CA5B: variants seen among roughly 807,000 people sequenced by gnomAD.
CA5B encodes the protein carbonic anhydrase 5B, mitochondrial.
Under a neutral mutation model 23.1 loss-of-function variants are expected in CA5B, and 15 were observed. The observed-to-expected ratio is 0.65, with a 90% CI of 0.43 to 1.00. The LOEUF (loss-of-function observed/expected upper bound fraction) is 1.00, where lower values mean the gene tolerates loss of function less well. Ranked by LOEUF, CA5B falls within the 50% of genes least tolerant of loss-of-function variation. The probability of loss-of-function intolerance (pLI) is 0.00; values close to 1 mark genes in which losing one functional copy is unlikely to be tolerated. For missense variants in CA5B, 236 were observed against 252.2 expected, an observed-to-expected ratio of 0.94 and a Z score of 0.43; for synonymous variants, 84 against 98.5, an observed-to-expected ratio of 0.85 and a Z score of 0.87.
In CA5B at chrX:15,787,783, C is replaced by T. The variant is rs1011770551; in HGVS notation, c.*5119C>T. 3 of 111,889 alleles carry T rather than the reference C, an allele frequency of 2.7e-5. No individual in the cohort carries two copies. Among genetic ancestry groups the T allele is most frequent in the Admixed American group, 9.5e-5 (1 of 10,485 alleles). The allele number at this position is 111,889 out of a possible 1,213,427, so 9.2% of individuals were successfully genotyped here. A position where few individuals can be genotyped will look rare whatever the true frequency, so the allele number is the denominator to read the frequency against. ...CCTGGCCAATATGGTGAAACCCCGT[C>T]TCTACTAAAAAATACAAAAATTAGC... On this transcript the variant is annotated 3_prime_UTR_variant, in exon 8 of 8. Transcript: ENST00000318636.
intron 3 of CA5B, chrX:15,769,387 A>G: frequency 3.7e-6 from 2 of 543,835 alleles, no homozygotes; most frequent in Non-Finnish European, 4.5e-6. Context: ...GAATGAGTGC[A>G]TATAAGAGAG....
At chrX:15,749,040 A>G (rs1931301952) in intron 1 of CA5B, among the ~76,000 whole-genome samples, 1 of 112,353 alleles carries the variant, frequency 8.9e-6, no homozygotes, top group African/African-American at 3.2e-5. Context: ...CAGCCACACC[A>G]CAGTCATGGT....
At chrX:15,779,379 A>G (rs1446740483) in intron 7 of CA5B, among the ~76,000 whole-genome samples, 1 of 111,778 alleles carries the variant, frequency 8.9e-6, no homozygotes, top group Non-Finnish European at 1.9e-5. Flanking sequence ...TTTAAATCCT[A>G]ATCTCCTCCA....
intron 2 of CA5B, chrX:15,763,003 G>A (rs1052507658): frequency 1.0e-5 from 3 of 298,120 alleles, no homozygotes; most frequent in Non-Finnish European, 2.0e-5. Flanking sequence ...TTCAGTGCCT[G>A]TGGAGGATAA....
At chrX:15,750,190 G>T in intron 2 of CA5B, 25 bp downstream of exon 2, 1 of 1,084,532 alleles carries the variant, frequency 9.2e-7, no homozygotes, top group South Asian at 2.0e-5. Context: ...TCCTTAAAGA[G>T]AACAAAAAGG....
intron 1 of CA5B, among the ~76,000 whole-genome samples, chrX:15,744,424 G>A (rs1430712639): frequency 8.9e-6 from 1 of 112,502 alleles, no homozygotes; most frequent in Non-Finnish European, 1.9e-5. Context: ...CCTGGCTGGC[G>A]GCCATGCCCT....
chrX:15,746,195 G>A (rs919319175), intron 1 of CA5B, among the ~76,000 whole-genome samples: 12 of 108,808 alleles, frequency 1.1e-4, no homozygotes, highest in Non-Finnish European at 1.7e-4. Flanking sequence ...ACAGGTGCAC[G>A]CCACCACGCC....
chrX:15,769,573 C>T, intron 3 of CA5B: 1 of 753,853 alleles, frequency 1.3e-6, no homozygotes, highest in Non-Finnish European at 1.6e-6. Flanking sequence ...CCTGACTTTA[C>T]ACTTCTTTGC....
Position 15,772,604 on chromosome X carries a change from T to C in CA5B, c.449T>C (p.Phe150Ser), listed in dbSNP as rs201323485. 127 of 1,168,365 alleles carry C rather than the reference T, an allele frequency of 1.1e-4. No individual in the cohort carries two copies. Among genetic ancestry groups the C allele is most frequent in the Non-Finnish European group, 1.5e-4 (126 of 859,880 alleles). The stretch of plus-strand genomic sequence containing the variant: ...GAGCACACCGTGGACAGCAAATGCT[T>C]CCCAGCAGAGGTATGTTGAGAAGGT... Reference protein sequence around the residue: ...GSEHTVDSKCFPAELHLVHWN... With the variant: ...GSEHTVDSKCSPAELHLVHWN... Residue 150 changes from phenylalanine to serine, a missense_variant, in exon 4 of 8, where the codon TTC (phenylalanine) becomes TCC (serine). By Grantham distance (155) the Phe-to-Ser change is radical (BLOSUM62 -2). Transcript: ENST00000318636.
At chrX:15,755,948 ATTATTTATTTTGTACTGAGCCTTTGAAG>A (rs1405015227) in intron 2 of CA5B, among the ~76,000 whole-genome samples, 1 of 112,371 alleles carries the variant, frequency 8.9e-6, no homozygotes, top group Non-Finnish European at 1.9e-5. Flanking sequence ...AAATTTTAAT[ATTATTTATTTTGTACTGAGCCTTTGAAG>A]TTCCTGGTAT....
rs1364663996 is a variant in CA5B, at chrX:15,758,794, C to T, written c.143-5784C>T. Among the ~76,000 whole-genome samples, 29 of 111,939 alleles carry T rather than the reference C, an allele frequency of 2.6e-4. 1 individual carries two copies. The Admixed American group carries it at 2.7e-3, about 10-fold the overall frequency. ...AAGTGTTGGGATTACAGGTGCAAGCCACTGCTGCCTGGCTAAATTTTGAGG... is the reference window on the plus strand; with the variant it reads ...AAGTGTTGGGATTACAGGTGCAAGCTACTGCTGCCTGGCTAAATTTTGAGG... On this transcript the variant is annotated intron_variant, in intron 2 of 7. Coordinates refer to ENST00000318636, the MANE Select transcript of CA5B (RefSeq NM_007220.4).
At position 15,764,274 on chromosome X, in the gene CA5B, G is replaced by T. The variant is rs374848764; in HGVS notation, c.143-304G>T. Among the ~76,000 whole-genome samples the T allele has an allele frequency of 6.8e-4, 74 of 108,533 alleles. No homozygotes were observed. In the East Asian group the frequency reaches 0.019, roughly 28 times the overall value. The allele number at this position is 108,533 out of a possible 115,157, so 94.2% of individuals were successfully genotyped here. On this transcript the variant is annotated intron_variant, in intron 2 of 7. Coordinates refer to ENST00000318636, the MANE Select transcript of CA5B (RefSeq NM_007220.4). ...TTTTTTTCTTTTGAGACATGGTTTGGGTCTGTTGCCCAGGCTGGAGTGCAG... is the reference window on the plus strand; with the variant it reads ...TTTTTTTCTTTTGAGACATGGTTTGTGTCTGTTGCCCAGGCTGGAGTGCAG...
chrX:15,783,124 G>A lies in CA5B; in HGVS notation c.*460G>A, dbSNP rs145051570. On this transcript the variant is annotated 3_prime_UTR_variant, in exon 8 of 8. Coordinates refer to ENST00000318636, the MANE Select transcript of CA5B (RefSeq NM_007220.4). ...AGTGGTTCTATAGCACTATACATAG[G>A]GATTATAATCAAAATTTTTAACATG... 2.0e-3 allele frequency: 229 copies of A among 114,302 alleles called. No individual in the cohort carries two copies. Among genetic ancestry groups the A allele is most frequent in the Admixed American group, 4.7e-3 (50 of 10,666 alleles). 9.4% of individuals were successfully genotyped at this position (114,302 alleles called of 1,213,427 possible). A position where few individuals can be genotyped will look rare whatever the true frequency, so the allele number is the denominator to read the frequency against.
chrX:15,768,922 G>A (rs1404657027), intron 3 of CA5B: 1 of 111,951 alleles, frequency 8.9e-6, no homozygotes, highest in East Asian at 2.8e-4. Context: ...AGGAGCTGGG[G>A]AAGGTATGTG....
intron 4 of CA5B, 109 bp from the exon 5 acceptor site, chrX:15,774,193 C>T (rs1931874371): frequency 4.2e-6 from 3 of 721,234 alleles, no homozygotes; most frequent in Admixed American, 4.7e-5. Flanking sequence ...GGTGGCTTTA[C>T]TTTGGGTGAG....
At chrX:15,747,471 G>A (rs1284794800) in intron 1 of CA5B, among the ~76,000 whole-genome samples, 2 of 109,564 alleles carry the variant, frequency 1.8e-5, no homozygotes, top group Non-Finnish European at 3.8e-5. Context: ...TTGATAGGAT[G>A]TCTGGGAATT....
chrX:15,755,425 A>G (rs1247772257), intron 2 of CA5B, among the ~76,000 whole-genome samples: 1 of 112,088 alleles, frequency 8.9e-6, no homozygotes, highest in African/African-American at 3.2e-5. Context: ...ATCATCCTCA[A>G]CCAAGTCATA....
chrX:15,757,549 C>T (rs1931517341), intron 2 of CA5B, among the ~76,000 whole-genome samples: 2 of 109,131 alleles, frequency 1.8e-5, no homozygotes, highest in African/African-American at 6.7e-5. Context: ...ACAACAAAAA[C>T]CCACAAAAAT....
chrX:15,766,277 A>C (rs981176619), intron 3 of CA5B, among the ~76,000 whole-genome samples: 1 of 109,985 alleles, frequency 9.1e-6, no homozygotes, highest in Non-Finnish European at 1.9e-5. Flanking sequence ...TAGACATGGC[A>C]CTCTGGCCTA....
Sources: gnomAD v4.1 joint callset for allele counts (sites outside exome capture counted in the v4.1 genomes callset) on GRCh38, gnomAD v4.1.1 for gene constraint, MANE v1.5 for transcripts, NCBI Gene and HGNC (gene_info 2026-07-23, HGNC 2026-07-21) for gene names.